The following STX17 variants were observed in gnomAD, a reference collection of about 807,000 sequenced individuals.
STX17 encodes syntaxin-17.
A neutral mutation model predicts 35.9 loss-of-function variants in STX17; 29 were observed. The ratio of observed to expected loss-of-function variants is 0.81; its 90% confidence interval spans 0.60 to 1.10. The LOEUF (loss-of-function observed/expected upper bound fraction) is 1.10, where lower values mean the gene tolerates loss of function less well. STX17 is among the 50% of genes least tolerant of loss of function. The probability of loss-of-function intolerance (pLI) is 0.00; values close to 1 mark genes in which losing one functional copy is unlikely to be tolerated. For synonymous variants in STX17, 92 were observed against 118.3 expected, an observed-to-expected ratio of 0.78 and a Z score of 1.44; for missense variants, 312 against 352.3, an observed-to-expected ratio of 0.89 and a Z score of 0.92.
At chr9:99,921,713 G>C (rs929053123) in intron 2 of STX17, among the ~76,000 whole-genome samples, 2 of 151,544 alleles carry the variant, frequency 1.3e-5, no homozygotes, top group African/African-American at 4.9e-5. Flanking sequence ...GTCAATATTT[G>C]CAAGTCTTTA....
intron 3 of STX17, chr9:99,937,763 G>C (rs1451892827): frequency 6.6e-6 from 1 of 152,014 alleles, no homozygotes; most frequent in Non-Finnish European, 1.5e-5. Context: ...ATGTTTTCTT[G>C]TTTCTTTGTG....
intron 2 of STX17, chr9:99,916,306 G>A (rs1333538571): frequency 1.7e-5 from 3 of 172,084 alleles, no homozygotes; most frequent in African/African-American, 7.2e-5. Context: ...AGATTATGTT[G>A]TCTTATTTGC....
chr9:99,961,220 T>A (rs1269043503), intron 6 of STX17, among the ~76,000 whole-genome samples: 2 of 152,168 alleles, frequency 1.3e-5, no homozygotes, highest in Non-Finnish European at 2.9e-5. Flanking sequence ...TGCAATTCAG[T>A]CTGTGCTTCA....
At chr9:99,937,505 T>A (rs553205189) in intron 3 of STX17, among the ~76,000 whole-genome samples, 1 of 152,326 alleles carries the variant, frequency 6.6e-6, no homozygotes, top group East Asian at 1.9e-4. Flanking sequence ...TGTTTATTAG[T>A]CTTAACAGCA....
At chr9:99,962,635 T>C (rs1829849064) in intron 6 of STX17, among the ~76,000 whole-genome samples, 1 of 152,224 alleles carries the variant, frequency 6.6e-6, no homozygotes, top group Non-Finnish European at 1.5e-5. Flanking sequence ...GACCATAAGA[T>C]AGTTACATGT....
chr9:99,926,524 G>T (rs1476116134), intron 2 of STX17, among the ~76,000 whole-genome samples: 2 of 150,494 alleles, frequency 1.3e-5, no homozygotes, highest in African/African-American at 4.9e-5. Context: ...TTTTGACAGA[G>T]TCTTGCTCTG....
chr9:99,931,743 C>T (rs554225785), intron 3 of STX17, among the ~76,000 whole-genome samples: 5 of 152,206 alleles, frequency 3.3e-5, no homozygotes, highest in East Asian at 1.9e-4. Context: ...GTCTGATTTT[C>T]GCTCTGTTTT....
chr9:99,925,460 G>A (rs1587916940), intron 2 of STX17, among the ~76,000 whole-genome samples: 1 of 152,198 alleles, frequency 6.6e-6, no homozygotes, highest in East Asian at 1.9e-4. Context: ...TCGTTCATTT[G>A]TGTAGAATCC....
Position 99,959,997 on chromosome 9 carries a change from C to A in STX17, c.496C>A (p.Gln166Lys), listed in dbSNP as rs1181422124. Residue 166 changes from glutamine (Q) to lysine (K), a missense_variant, in exon 5 of 8, where the codon CAA becomes AAA. By Grantham distance (53) the Gln-to-Lys change is moderately conservative. Coordinates refer to ENST00000259400, the MANE Select transcript of STX17 (RefSeq NM_017919.3). ...IYALPEIPQD[Q>K]NAAESWETLE... ...TGCCTTACCTGAAATTCCTCAAGATCAAAATGCTGCAGAATCGTGGGAAAC... is the reference window on the plus strand; with the variant it reads ...TGCCTTACCTGAAATTCCTCAAGATAAAAATGCTGCAGAATCGTGGGAAAC... 2 of 1,613,868 alleles carry A rather than the reference C, an allele frequency of 1.2e-6. No homozygotes were observed. Among genetic ancestry groups the A allele is most frequent in the Non-Finnish European group, 1.7e-6 (2 of 1,179,988 alleles).
At chr9:99,965,175 G>C (rs1028674706) in intron 6 of STX17, among the ~76,000 whole-genome samples, 1 of 152,136 alleles carries the variant, frequency 6.6e-6, no homozygotes, top group African/African-American at 2.4e-5. Context: ...CAAATAATTA[G>C]TGATCTCAGG....
Position 99,951,250 on chromosome 9 carries a change from T to C in STX17, c.380T>C (p.Leu127Pro). ...KKQFNDEETL[L>P]QPPLTRSMTV... ...CAATTTAATGATGAAGAAACTTTGC[T>C]ACAGCCTCCTTTGACCAGATCCATG... The change falls in exon 4 of 8, where the codon CTA becomes CCA. Residue 127 changes from leucine to proline, a missense_variant. Transcript: ENST00000259400. 4 of 1,612,888 alleles carry C rather than the reference T, an allele frequency of 2.5e-6. No individual in the cohort carries two copies. Among genetic ancestry groups the C allele is most frequent in the East Asian group, 2.2e-5 (1 of 44,834 alleles).
chr9:99,951,801 C>T (rs1310840692), intron 4 of STX17, among the ~76,000 whole-genome samples: 1 of 151,986 alleles, frequency 6.6e-6, no homozygotes, highest in Non-Finnish European at 1.5e-5. Context: ...TACATCTCTT[C>T]TAAGGATGTA....
intron 6 of STX17, among the ~76,000 whole-genome samples, chr9:99,965,119 G>A (rs1284992988): frequency 1.3e-5 from 2 of 152,116 alleles, no homozygotes; most frequent in Admixed American, 6.6e-5. Flanking sequence ...GGTGGGATGG[G>A]CCTCATCAAA....
At chr9:99,921,466 T>C (rs536010086) in intron 2 of STX17, among the ~76,000 whole-genome samples, 1 of 152,230 alleles carries the variant, frequency 6.6e-6, no homozygotes, top group South Asian at 2.1e-4. Flanking sequence ...CTTTCATCTA[T>C]GTTAATCCTT....
rs913856458 is a variant in STX17, at chr9:99,915,994, T to C, written c.123+632T>C. On this transcript the variant is annotated intron_variant, in intron 2 of 7. Transcript: ENST00000259400. Reference sequence around the variant, plus strand: ...ACCTGCCTTAATTTCATTCACCCCATGGCAAGTTTTTGAACTTTGAGTGTG... The same window carrying C: ...ACCTGCCTTAATTTCATTCACCCCACGGCAAGTTTTTGAACTTTGAGTGTG... The C allele has an allele frequency of 1.1e-5, 5 of 454,962 alleles. No individual in the cohort carries two copies. The Admixed American group carries it at 1.2e-4, about 11-fold the overall frequency. The allele number at this position is 454,962 out of a possible 1,614,324, so 28.2% of individuals were successfully genotyped here.
chr9:99,921,811 T>G (rs1324570766), intron 2 of STX17, among the ~76,000 whole-genome samples: 2 of 152,054 alleles, frequency 1.3e-5, no homozygotes. Flanking sequence ...TTCTCTCGAG[T>G]GTAATTTCCC....
chr9:99,947,184 A>G (rs1049306510), intron 3 of STX17, among the ~76,000 whole-genome samples: 1 of 151,588 alleles, frequency 6.6e-6, no homozygotes, highest in Admixed American at 6.6e-5. Flanking sequence ...TCTGTTTTCC[A>G]ATTTATATCT....
intron 2 of STX17, among the ~76,000 whole-genome samples, chr9:99,928,468 T>C (rs1451218661): frequency 6.6e-6 from 1 of 152,144 alleles, no homozygotes; most frequent in Non-Finnish European, 1.5e-5. Flanking sequence ...TTTTACATTC[T>C]AATTCTTTAT....
At position 99,972,394 on chromosome 9, in the gene STX17, T is replaced by A. The variant is rs1430109353; in HGVS notation, c.*3721T>A. ...TACTGTAGTGATGCTAGTATTAATA[T>A]TACTTAGACCAATTTTGAAACTGTT... is the stretch of plus-strand genomic sequence containing the variant. On this transcript the variant is annotated 3_prime_UTR_variant, in exon 8 of 8. Coordinates refer to ENST00000259400, the MANE Select transcript of STX17 (RefSeq NM_017919.3). 6.6e-6 allele frequency among the ~76,000 whole-genome samples: 1 copy of A among 152,252 alleles called. No homozygotes were observed. The highest frequency in any genetic ancestry group is 1.5e-5 in the Non-Finnish European group (1 of 68,046).
Sources: allele counts gnomAD v4.1 joint callset (sites outside exome capture counted in the v4.1 genomes callset), GRCh38; gene constraint gnomAD v4.1.1; transcripts MANE v1.5; gene names NCBI Gene and HGNC (gene_info 2026-07-23, HGNC 2026-07-21).